The following ANKHD1 variants were observed in gnomAD, a reference collection of about 807,000 sequenced individuals.
ANKHD1 encodes ankyrin repeat and KH domain containing 1, also known as ankyrin repeat and KH domain-containing protein 1.
In ANKHD1, 31 loss-of-function variants were observed where a neutral mutation model predicts 230.5. The ratio of observed to expected loss-of-function variants is 0.13; its 90% CI spans 0.10 to 0.18. The LOEUF (loss-of-function observed/expected upper bound fraction) is 0.18. ANKHD1 is among the 10% of genes least tolerant of loss of function. ANKHD1 has a pLI of 1.00. For synonymous variants in ANKHD1, 1,074 were observed against 1,117.6 expected (o/e 0.96, Z 0.78); for missense variants, 2,256 against 3,071.3 (o/e 0.73, Z 6.27).
intron 1 of ANKHD1, among the ~76,000 whole-genome samples, chr5:140,426,669 C>T (rs937398164): frequency 2.0e-5 from 3 of 152,072 alleles, no homozygotes; most frequent in Admixed American, 6.6e-5. Context: ...TGCGGCCTTC[C>T]GCAGTGTTTG....
In ANKHD1 at chr5:140,529,431, C is replaced by G. The variant is rs768045005; in HGVS notation, c.6485C>G (p.Thr2162Arg). 3 of 1,614,184 alleles carry G rather than the reference C, an allele frequency of 1.9e-6. No homozygotes were observed. The highest frequency in any genetic ancestry group is 1.7e-5 in the Admixed American group (1 of 60,022). Reference sequence around the variant, plus strand: ...CAGGATCCCCAGTCTATTTTTGTTACGAATCCAGTTACTTTAACACCACCT... The same window carrying G: ...CAGGATCCCCAGTCTATTTTTGTTAGGAATCCAGTTACTTTAACACCACCT... ...IHQDPQSIFVTNPVTLTPPQG... is the reference protein window; with the variant it reads ...IHQDPQSIFVRNPVTLTPPQG... Residue 2162 changes from threonine (T) to arginine (R), a missense_variant, in exon 29 of 34, where the codon ACG (threonine) becomes AGG (arginine). Physicochemically the swap from Thr to Arg is moderately conservative, Grantham distance 71. Transcript: ENST00000360839.
intron 22 of ANKHD1, among the ~76,000 whole-genome samples, chr5:140,511,937 A>G (rs1752788795): frequency 6.6e-6 from 1 of 152,166 alleles, no homozygotes; most frequent in African/African-American, 2.4e-5. Context: ...GCTTGGTTAC[A>G]TTAAAATAGA....
At position 140,529,465 on chromosome 5, in the gene ANKHD1, A is replaced by G. The variant is rs1230478871; in HGVS notation, c.6519A>G (p.Pro2173=). 1.2e-6 allele frequency: 2 copies of G among 1,614,214 alleles called. No homozygotes were observed. Among genetic ancestry groups the G allele is most frequent in the Middle Eastern group, 1.6e-4 (1 of 6,062 alleles). ...NPVTLTPPQG[P]PAAVQLSSAV... ...TTACTTTAACACCACCTCAAGGCCC[A>G]CCAGCTGCAGTGCAGCTTTCTTCAG... is the stretch of plus-strand genomic sequence containing the variant. Residue 2173 remains proline, a synonymous_variant, in exon 29 of 34, where the codon CCA becomes CCG. Transcript: ENST00000360839.
chr5:140,464,490 T>C (rs1358279167), intron 9 of ANKHD1, among the ~76,000 whole-genome samples, 177 bp from the exon 10 acceptor site: 2 of 152,214 alleles, frequency 1.3e-5, no homozygotes, highest in East Asian at 3.8e-4. Flanking sequence ...GGTTTAGTTC[T>C]TTTTGGTATG....
At chr5:140,416,129 A>AG (rs1162296709) in intron 1 of ANKHD1, among the ~76,000 whole-genome samples, 13 of 152,258 alleles carry the variant, frequency 8.5e-5, no homozygotes, top group African/African-American at 3.1e-4. Context: ...ATCCTTTCTT[A>AG]TGGCTGCATA....
intron 3 of ANKHD1, 140 bp downstream of exon 3, chr5:140,438,757 A>C: frequency 8.6e-7 from 1 of 1,161,888 alleles, no homozygotes. Context: ...TGGATATATA[A>C]ATGTATATGT....
At chr5:140,404,208 GA>G (rs1770225862) in intron 1 of ANKHD1, among the ~76,000 whole-genome samples, 1 of 152,114 alleles carries the variant, frequency 6.6e-6, no homozygotes, top group African/African-American at 2.4e-5. Context: ...GATTAAGCTA[GA>G]ACACAGTACT....
intron 5 of ANKHD1, among the ~76,000 whole-genome samples, chr5:140,441,864 T>C (rs1157967126): frequency 6.6e-6 from 1 of 151,966 alleles, no homozygotes; most frequent in Non-Finnish European, 1.5e-5. Context: ...TATAACAACA[T>C]GTCATATACC....
intron 10 of ANKHD1, among the ~76,000 whole-genome samples, chr5:140,465,449 C>T (rs1373909751): frequency 1.3e-5 from 2 of 152,144 alleles, no homozygotes; most frequent in African/African-American, 4.8e-5. Flanking sequence ...ATGCCTCTTG[C>T]TGAAATGTGT....
Position 140,440,109 on chromosome 5 carries a change from T to TA in ANKHD1, c.618-10_618-9insA, listed in dbSNP as rs775873101. ...TGTTTCGGTTAATTGTTGAATGGTT[T>TA]TGTTTCCAGTCGCAGTCTAGCAGAA... On this transcript the variant is annotated splice_polypyrimidine_tract_variant and intron_variant, in intron 3 of 33. Coordinates refer to ENST00000360839, the MANE Select transcript of ANKHD1 (RefSeq NM_017747.3). 1 of 1,595,404 alleles carries TA rather than the reference T, an allele frequency of 6.3e-7. No individual in the cohort carries two copies. Among genetic ancestry groups the TA allele is most frequent in the East Asian group, 2.3e-5 (1 of 43,862 alleles).
At chr5:140,441,983 A>G (rs887074645) in intron 5 of ANKHD1, among the ~76,000 whole-genome samples, 4 of 150,038 alleles carry the variant, frequency 2.7e-5, no homozygotes, top group African/African-American at 9.8e-5. Context: ...TGTTTACCCT[A>G]TAGGGTTTTA....
intron 14 of ANKHD1, among the ~76,000 whole-genome samples, chr5:140,491,495 G>A (rs1022744986): frequency 1.3e-5 from 2 of 151,944 alleles, no homozygotes; most frequent in South Asian, 2.1e-4. Context: ...TACATAAATA[G>A]TATTGTGCTA....
intron 10 of ANKHD1, chr5:140,472,494 T>G (rs748735143): frequency 4.7e-6 from 6 of 1,287,562 alleles, no homozygotes; most frequent in Non-Finnish European, 4.9e-6. Context: ...TTCCTTAGTC[T>G]TCTTTCTCAG....
intron 1 of ANKHD1, among the ~76,000 whole-genome samples, chr5:140,433,054 T>TCCC (rs1278438143): frequency 1.5e-5 from 2 of 133,152 alleles, no homozygotes; most frequent in Non-Finnish European, 3.2e-5. Flanking sequence ...CCCACCCCCT[T>TCCC]CCCCCCCCCA....
At chr5:140,504,220 T>C (rs544035678) in intron 15 of ANKHD1, among the ~76,000 whole-genome samples, 2 of 152,120 alleles carry the variant, frequency 1.3e-5, no homozygotes, top group Non-Finnish European at 2.9e-5. Flanking sequence ...TGGCTAACTT[T>C]CTGTTTTTTT....
In ANKHD1 at chr5:140,497,344, C is replaced by T. The variant is rs556422944; in HGVS notation, c.3004+66C>T. 6.0e-6 allele frequency: 9 copies of T among 1,506,912 alleles called. No individual in the cohort carries two copies. The East Asian group carries it at 1.4e-4, about 23-fold the overall frequency. 93.3% of individuals were successfully genotyped at this position (1,506,912 alleles called of 1,614,324 possible). On this transcript the variant is annotated intron_variant, in intron 15 of 33. Coordinates refer to ENST00000360839, the MANE Select transcript of ANKHD1 (RefSeq NM_017747.3). ...TGTGTGCTGAACTTCTTTATATACCCCTCCAAAAACGTAGACTTTGTACGT... is the reference window on the plus strand; with the variant it reads ...TGTGTGCTGAACTTCTTTATATACCTCTCCAAAAACGTAGACTTTGTACGT...
At chr5:140,533,308 T>C (rs1453215467) in intron 29 of ANKHD1, among the ~76,000 whole-genome samples, 1 of 151,730 alleles carries the variant, frequency 6.6e-6, no homozygotes, top group Non-Finnish European at 1.5e-5. Flanking sequence ...CAAAGTTAGC[T>C]CAGTGTGGGA....
intron 1 of ANKHD1, among the ~76,000 whole-genome samples, chr5:140,435,381 CT>C (rs571779859): frequency 0.013 from 1,864 of 139,758 alleles, 72 homozygotes; most frequent in Admixed American, 0.093. Context: ...AAAGTAAATG[CT>C]TTTTTTTTTT....
At chr5:140,519,291 A>G (rs1170628741) in intron 24 of ANKHD1, among the ~76,000 whole-genome samples, 2 of 152,224 alleles carry the variant, frequency 1.3e-5, no homozygotes, top group Non-Finnish European at 2.9e-5. Flanking sequence ...ATACAAACAA[A>G]TGGAAGAACA....
Sources: gnomAD v4.1 joint callset for allele counts (sites outside exome capture counted in the v4.1 genomes callset) on GRCh38, gnomAD v4.1.1 for gene constraint, MANE v1.5 for transcripts, NCBI Gene and HGNC (gene_info 2026-07-23, HGNC 2026-07-21) for gene names.